The following PDE11A variants were observed in gnomAD, a reference collection of about 807,000 sequenced individuals.
PDE11A encodes the protein phosphodiesterase 11A.
Under a neutral mutation model 100.5 loss-of-function variants are expected in PDE11A, and 100 were observed. The observed-to-expected ratio is 1.00, with a 90% CI of 0.85 to 1.18. The LOEUF (loss-of-function observed/expected upper bound fraction) is 1.18. PDE11A is among the 50% of genes most tolerant of loss of function. The probability of loss-of-function intolerance (pLI) is 0.00; values close to 1 mark genes in which losing one functional copy is unlikely to be tolerated. For missense variants in PDE11A, 1,141 were observed against 1,152.6 expected, an observed-to-expected ratio of 0.99 and a Z score of 0.15; for synonymous variants, 381 against 420.8, an observed-to-expected ratio of 0.91 and a Z score of 1.16.
chr2:177,896,117 T>C (rs2084607832), intron 4 of PDE11A, among the ~76,000 whole-genome samples: 1 of 152,168 alleles, frequency 6.6e-6, no homozygotes, highest in Non-Finnish European at 1.5e-5. Flanking sequence ...TCAGCAGTGA[T>C]AGCAAAGAGG....
intron 19 of PDE11A, among the ~76,000 whole-genome samples, chr2:177,646,332 G>C (rs2080222992): frequency 6.6e-6 from 1 of 152,182 alleles, no homozygotes; most frequent in Non-Finnish European, 1.5e-5. Flanking sequence ...TGCTGTGATA[G>C]AAAGTAAAGC....
At chr2:177,916,152 C>A (rs1371958916) in intron 2 of PDE11A, among the ~76,000 whole-genome samples, 1 of 152,162 alleles carries the variant, frequency 6.6e-6, no homozygotes, top group Non-Finnish European at 1.5e-5. Context: ...AAGTTATATT[C>A]CCGGGTTCAG....
chr2:177,696,605 T>G (rs979195300), intron 15 of PDE11A, among the ~76,000 whole-genome samples: 1 of 152,090 alleles, frequency 6.6e-6, no homozygotes, highest in Non-Finnish European at 1.5e-5. Flanking sequence ...AAATGGGTGT[T>G]AGGAAAATAG....
intron 2 of PDE11A, among the ~76,000 whole-genome samples, chr2:178,078,376 T>TA (rs1171128377): frequency 1.3e-5 from 2 of 152,162 alleles, no homozygotes; most frequent in Non-Finnish European, 2.9e-5. Flanking sequence ...ATTCTCCATT[T>TA]AAAAAACATT....
At chr2:178,018,597 C>T in intron 1 of PDE11A, 1 of 315,938 alleles carries the variant, frequency 3.2e-6, no homozygotes, top group Non-Finnish European at 6.2e-6. Flanking sequence ...TGAGACAAAA[C>T]TCTTTGGTGC....
intron 10 of PDE11A, among the ~76,000 whole-genome samples, chr2:177,737,774 T>C (rs1488854900): frequency 6.6e-6 from 1 of 152,190 alleles, no homozygotes; most frequent in Non-Finnish European, 1.5e-5. Context: ...ATCATTAATA[T>C]GTTGTGTAAT....
rs556610923 is a variant in PDE11A, at chr2:177,767,015, C to A, written c.1788+2308G>T. 3.9e-5 allele frequency among the ~76,000 whole-genome samples: 6 copies of A among 152,214 alleles called. No individual in the cohort carries two copies. In the South Asian group the frequency reaches 1.2e-3, roughly 32 times the overall value. ...TGTTTTCTTTAAGCAAAAAATTAAGCCTGAATGTTGGTGCCTTTAGAAAGT... is the reference window on the plus strand; with the variant it reads ...TGTTTTCTTTAAGCAAAAAATTAAGACTGAATGTTGGTGCCTTTAGAAAGT... On this transcript the variant is annotated intron_variant, in intron 10 of 19. Coordinates refer to ENST00000286063, the MANE Select transcript of PDE11A (RefSeq NM_016953.4).
At chr2:177,998,361 A>C (rs2086102903) in intron 2 of PDE11A, 1 of 816,808 alleles carries the variant, frequency 1.2e-6, no homozygotes. Context: ...TATTTGGCTG[A>C]ACAATGAACC....
chr2:177,747,672 T>C (rs1333502667), intron 10 of PDE11A, among the ~76,000 whole-genome samples: 1 of 152,228 alleles, frequency 6.6e-6, no homozygotes, highest in Non-Finnish European at 1.5e-5. Context: ...AATGCTGAAG[T>C]TTCCATTTTG....
chr2:177,653,123 T>A (rs1179040423), intron 19 of PDE11A, among the ~76,000 whole-genome samples: 1 of 152,204 alleles, frequency 6.6e-6, no homozygotes, highest in African/African-American at 2.4e-5. Flanking sequence ...TCCATGCAGA[T>A]CTTTTCTCTG....
intron 10 of PDE11A, among the ~76,000 whole-genome samples, chr2:177,755,719 G>A (rs150394747): frequency 1.1e-4 from 17 of 152,280 alleles, no homozygotes; most frequent in African/African-American, 3.6e-4. Flanking sequence ...CTGGAACTTG[G>A]GACTCCATAG....
chr2:177,871,097 G>T (rs2084123403), intron 5 of PDE11A, among the ~76,000 whole-genome samples: 1 of 152,056 alleles, frequency 6.6e-6, no homozygotes. Context: ...CCACATAAAA[G>T]GTTTAACATT....
At chr2:177,669,695 G>C (rs1405923606) in intron 17 of PDE11A, 128 bp from the exon 18 acceptor site, 1 of 694,442 alleles carries the variant, frequency 1.4e-6, no homozygotes, top group Non-Finnish European at 2.6e-6. Flanking sequence ...GAGGAAGTAA[G>C]TATATTAACC....
At chr2:177,986,388 T>C (rs567807929) in intron 2 of PDE11A, among the ~76,000 whole-genome samples, 62 of 152,338 alleles carry the variant, frequency 4.1e-4, no homozygotes, top group African/African-American at 1.4e-3. Context: ...GTGCCTGCTC[T>C]ACCCACTATG....
chr2:177,744,187 A>C (rs2081914602), intron 10 of PDE11A, among the ~76,000 whole-genome samples: 1 of 152,168 alleles, frequency 6.6e-6, no homozygotes, highest in South Asian at 2.1e-4. Flanking sequence ...AAGGGAATAA[A>C]GGGATGTGTG....
chr2:177,940,428 T>C (rs1017916112), intron 2 of PDE11A, among the ~76,000 whole-genome samples: 3 of 152,186 alleles, frequency 2.0e-5, no homozygotes, highest in East Asian at 1.9e-4. Flanking sequence ...CAGGATTTAA[T>C]AGAGTCCTGA....
chr2:177,832,137 T>C (rs1040190029), intron 6 of PDE11A, among the ~76,000 whole-genome samples: 25 of 152,142 alleles, frequency 1.6e-4, no homozygotes, highest in African/African-American at 4.6e-4. Context: ...TCCTGATAGA[T>C]AGAAAAACCC....
At chr2:177,692,286 C>T (rs1336859702) in intron 15 of PDE11A, among the ~76,000 whole-genome samples, 1 of 152,166 alleles carries the variant, frequency 6.6e-6, no homozygotes, top group Non-Finnish European at 1.5e-5. Flanking sequence ...TTTGTATCAT[C>T]CCTTTGAAGT....
intron 19 of PDE11A, among the ~76,000 whole-genome samples, chr2:177,633,429 T>C (rs2079986473): frequency 6.6e-6 from 1 of 152,220 alleles, no homozygotes; most frequent in South Asian, 2.1e-4. Flanking sequence ...GTTATATGAA[T>C]ATGAGTAAAA....
Sources: gnomAD v4.1 joint callset for allele counts (sites outside exome capture counted in the v4.1 genomes callset) on GRCh38, gnomAD v4.1.1 for gene constraint, MANE v1.5 for transcripts, NCBI Gene and HGNC (gene_info 2026-07-23, HGNC 2026-07-21) for gene names.